Variants in KDM4C observed in about 807,000 individuals in gnomAD.
KDM4C encodes lysine demethylase 4C.
A neutral mutation model predicts 129.3 loss-of-function variants in KDM4C; 81 were observed. The observed-to-expected ratio is 0.63, with a 90% confidence interval of 0.52 to 0.75. The LOEUF (loss-of-function observed/expected upper bound fraction) is 0.75. KDM4C is among the 30% of genes least tolerant of loss of function. The pLI is 0.00. For missense variants in KDM4C, 1,457 were observed against 1,304.0 expected (o/e 1.12, Z -1.81); for synonymous variants, 573 against 456.1 (o/e 1.26, Z -3.26).
intron 10 of KDM4C, among the ~76,000 whole-genome samples, chr9:6,985,083 C>T (rs897785751): frequency 6.6e-6 from 1 of 152,196 alleles, no homozygotes; most frequent in African/African-American, 2.4e-5. Context: ...GAATCCGACT[C>T]CCTCTGCTGC....
chr9:6,931,126 C>A (rs10815482), intron 8 of KDM4C, among the ~76,000 whole-genome samples: 11,723 of 151,398 alleles, frequency 0.077, 834 homozygotes, highest in East Asian at 0.23. Flanking sequence ...CTTCTCACCC[C>A]CCCCACACAA....
At chr9:7,022,236 C>T (rs981072832) in intron 15 of KDM4C, among the ~76,000 whole-genome samples, 1 of 152,152 alleles carries the variant, frequency 6.6e-6, no homozygotes, top group South Asian at 2.1e-4. Context: ...CTTTAGATAG[C>T]TTTGGATAGT....
chr9:7,128,362 A>G (rs1024285210), intron 19 of KDM4C, 126 bp downstream of exon 19: 1 of 605,040 alleles, frequency 1.7e-6, no homozygotes, highest in African/African-American at 1.9e-5. Context: ...CATAGACTTT[A>G]TCATTCTAAA....
At chr9:6,892,369 C>T (rs116070042) in intron 7 of KDM4C, among the ~76,000 whole-genome samples, 1 of 151,688 alleles carries the variant, frequency 6.6e-6, no homozygotes, top group Non-Finnish European at 1.5e-5. Context: ...TTCTGTAGAC[C>T]ATGGGATATT....
chr9:6,818,712 T>TG (rs1832547143), intron 4 of KDM4C, among the ~76,000 whole-genome samples: 1 of 152,200 alleles, frequency 6.6e-6, no homozygotes, highest in Admixed American at 6.5e-5. Context: ...GTGAGGCAGC[T>TG]TAAGTACTGT....
At chr9:6,995,284 A>T (rs1181635048) in intron 12 of KDM4C, among the ~76,000 whole-genome samples, 1 of 152,142 alleles carries the variant, frequency 6.6e-6, no homozygotes, top group Non-Finnish European at 1.5e-5. Context: ...TTGCTTTATA[A>T]AACCATTCTT....
intron 18 of KDM4C, among the ~76,000 whole-genome samples, chr9:7,121,657 A>G (rs1033593522): frequency 4.6e-5 from 7 of 152,168 alleles, no homozygotes; most frequent in Non-Finnish European, 7.4e-5. Context: ...GTGAGAGCAT[A>G]TACATTCTGC....
At chr9:6,873,417 T>C (rs963226217) in intron 5 of KDM4C, among the ~76,000 whole-genome samples, 2 of 152,246 alleles carry the variant, frequency 1.3e-5, no homozygotes, top group East Asian at 1.9e-4. Flanking sequence ...TTGTTTAATG[T>C]AGCCACCTTC....
intron 17 of KDM4C, among the ~76,000 whole-genome samples, chr9:7,056,374 G>A (rs1488079391): frequency 6.6e-6 from 1 of 151,148 alleles, no homozygotes; most frequent in Non-Finnish European, 1.5e-5. Flanking sequence ...TACATTAGTA[G>A]CTGTATAGTA....
intron 2 of KDM4C, among the ~76,000 whole-genome samples, chr9:6,793,789 C>T (rs7851383): frequency 0.28 from 42,029 of 151,890 alleles, 6,260 homozygotes; most frequent in South Asian, 0.44. Context: ...GTGATCCATC[C>T]GCCTCGGCTT....
rs1436966627 is a variant in KDM4C at position 7,086,578 on chromosome 9, G to C, written c.2425-17107G>C. On this transcript the variant is annotated intron_variant, in intron 17 of 21. Coordinates refer to ENST00000381309, the MANE Select transcript of KDM4C (RefSeq NM_015061.6). Reference sequence around the variant, plus strand: ...CCTACCACACTGCCCTTAGGTAAGTGCTGTGCTGGGCACCACCCTGTTCAG... The same window carrying C: ...CCTACCACACTGCCCTTAGGTAAGTCCTGTGCTGGGCACCACCCTGTTCAG... Among the ~76,000 whole-genome samples the C allele has an allele frequency of 2.0e-5, 3 of 152,150 alleles. No individual in the cohort carries two copies. In the East Asian group the frequency reaches 5.8e-4, roughly 29 times the overall value.
At chr9:7,052,894 A>AGAGAGAGAGATAGAGAGAGC (rs1339242817) in intron 17 of KDM4C, among the ~76,000 whole-genome samples, 1 of 105,468 alleles carries the variant, frequency 9.5e-6, no homozygotes, top group Non-Finnish European at 2.0e-5. Flanking sequence ...AGAGAGAGAG[A>AGAGAGAGAGATAGAGAGAGC]GAGAGAGCGA....
intron 5 of KDM4C, among the ~76,000 whole-genome samples, chr9:6,878,038 G>C (rs1485284821): frequency 2.0e-5 from 3 of 152,198 alleles, no homozygotes; most frequent in African/African-American, 7.2e-5. Flanking sequence ...TAAGCATGGA[G>C]ATGAGTGGGT....
chr9:6,895,173 C>T (rs1384635143), intron 8 of KDM4C, among the ~76,000 whole-genome samples: 2 of 152,248 alleles, frequency 1.3e-5, no homozygotes, highest in Admixed American at 1.3e-4. Flanking sequence ...CAAATTACCA[C>T]AAACTTTGTG....
chr9:6,969,558 T>A (rs1446813780), intron 8 of KDM4C, among the ~76,000 whole-genome samples: 1 of 152,224 alleles, frequency 6.6e-6, no homozygotes, highest in South Asian at 2.1e-4. Context: ...CTTATTCGTT[T>A]AACTTTTACA....
intron 15 of KDM4C, among the ~76,000 whole-genome samples, chr9:7,023,812 G>T (rs62534416): frequency 0.083 from 12,591 of 152,092 alleles, 638 homozygotes; most frequent in East Asian, 0.18. Context: ...GTATCCCATA[G>T]ATTTTGGTGT....
At chr9:7,091,173 G>C (rs1428874295) in intron 17 of KDM4C, among the ~76,000 whole-genome samples, 1 of 152,162 alleles carries the variant, frequency 6.6e-6, no homozygotes, top group Non-Finnish European at 1.5e-5. Context: ...GAGGCTCTCA[G>C]ATGGTTTTCA....
intron 21 of KDM4C, chr9:7,170,485 C>T (rs1844849541): frequency 1.0e-6 from 1 of 980,880 alleles, no homozygotes; most frequent in Non-Finnish European, 1.2e-6. Context: ...CCTCACATAC[C>T]ATTAAAAGAT....
intron 4 of KDM4C, among the ~76,000 whole-genome samples, chr9:6,824,035 C>T (rs972389674): frequency 3.9e-5 from 6 of 152,222 alleles, no homozygotes; most frequent in Admixed American, 3.9e-4. Flanking sequence ...AACTTAGCTG[C>T]AGACTATATT....
Sources: allele counts gnomAD v4.1 joint callset (sites outside exome capture counted in the v4.1 genomes callset), GRCh38; gene constraint gnomAD v4.1.1; transcripts MANE v1.5; gene names NCBI Gene and HGNC (gene_info 2026-07-23, HGNC 2026-07-21).